The following RALGPS2 variants were observed in gnomAD, a reference collection of about 807,000 sequenced individuals.
RALGPS2 encodes ras-specific guanine nucleotide-releasing factor RalGPS2.
In RALGPS2, 43 loss-of-function variants were observed where a neutral mutation model predicts 86.8. The ratio of observed to expected loss-of-function variants is 0.50; its 90% CI spans 0.39 to 0.64. The LOEUF (loss-of-function observed/expected upper bound fraction) is 0.64. RALGPS2 is among the 30% of genes least tolerant of loss of function. The probability of loss-of-function intolerance (pLI) is 0.00; values close to 1 mark genes in which losing one functional copy is unlikely to be tolerated. For synonymous variants in RALGPS2, 243 were observed against 231.3 expected (o/e 1.05, Z -0.46); for missense variants, 536 against 694.6 (o/e 0.77, Z 2.57).
chr1:178,899,603 A>C, intron 17 of RALGPS2, among the ~76,000 whole-genome samples: 1 of 150,716 alleles, frequency 6.6e-6, no homozygotes, highest in African/African-American at 2.4e-5. Flanking sequence ...ACATAGCACC[A>C]CCTGTATTGT....
rs561229055 is a variant in RALGPS2 at position 178,789,501 on chromosome 1, T to C, written c.213+3894T>C. Among the ~76,000 whole-genome samples, 16 of 152,344 alleles carry C rather than the reference T, an allele frequency of 1.1e-4. No homozygotes were observed. The South Asian group carries it at 3.3e-3, about 32-fold the overall frequency. On this transcript the variant is annotated intron_variant, in intron 4 of 19. Coordinates refer to ENST00000367635, the MANE Select transcript of RALGPS2 (RefSeq NM_152663.5). ...CTGGGGCTGCTATTCATATAAAATA[T>C]AATGCACAATGCACCCTTGTGGAGA...
At chr1:178,808,155 T>C (rs1203512544) in intron 5 of RALGPS2, 27 bp downstream of exon 5, 2 of 1,444,824 alleles carry the variant, frequency 1.4e-6, no homozygotes, top group African/African-American at 1.4e-5. Flanking sequence ...TGATACTGTG[T>C]CTGAAATTCA....
At position 178,860,989 on chromosome 1, in the gene RALGPS2, GTAATT is replaced by G. The variant is rs568494682; in HGVS notation, c.608-16501_608-16497del. ...GCCAGCCTATTTGTTGTTGCTTGTA[GTAATT>G]TAATTTAGTAAGCATCACAGAATAT... On this transcript the variant is annotated intron_variant, in intron 8 of 19. Transcript: ENST00000367635. 5.4e-3 allele frequency among the ~76,000 whole-genome samples: 824 copies of G among 152,230 alleles called. 10 individuals are homozygous for G. The highest frequency in any genetic ancestry group is 0.019 in the African/African-American group (788 of 41,514).
At position 178,897,666 on chromosome 1, in the gene RALGPS2, A is replaced by G. The variant is rs921290109; in HGVS notation, c.1434A>G (p.Val478=). 6.2e-7 allele frequency: 1 copy of G among 1,609,372 alleles called. No homozygotes were observed. Among genetic ancestry groups the G allele is most frequent in the South Asian group, 1.1e-5 (1 of 90,956 alleles). Residue 478 remains valine, a splice_region_variant and synonymous_variant, in exon 17 of 20, where the codon GTA becomes GTG. Coordinates refer to ENST00000367635, the MANE Select transcript of RALGPS2 (RefSeq NM_152663.5). ...ATTCCTGTGTTTGTCCTATCCAGGT[A>G]GCATCTTGGACAAAATATTGGGCAG... ...TLLKEGKKPT[V]ASWTKYWAAL... is the part of the protein sequence containing the mutation.
intron 1 of RALGPS2, among the ~76,000 whole-genome samples, chr1:178,776,369 C>A (rs1311600985): frequency 6.6e-6 from 1 of 152,154 alleles, no homozygotes; most frequent in Non-Finnish European, 1.5e-5. Context: ...TGTTTTTACA[C>A]ATTTTATTTA....
intron 1 of RALGPS2, among the ~76,000 whole-genome samples, chr1:178,771,843 TA>T (rs1284226096): frequency 6.6e-6 from 1 of 152,248 alleles, no homozygotes; most frequent in Admixed American, 6.5e-5. Flanking sequence ...ATATTATAAA[TA>T]TTTTTTTCAT....
In RALGPS2 at chr1:178,815,933, G is replaced by A. The variant is rs532783453; in HGVS notation, c.387+4529G>A. ...GCATGTTATTGATAATTCTTTTATTGCTAAGTAGATTTCCAGTGTATGGAT... is the reference window on the plus strand; with the variant it reads ...GCATGTTATTGATAATTCTTTTATTACTAAGTAGATTTCCAGTGTATGGAT... On this transcript the variant is annotated intron_variant, in intron 6 of 19. Transcript: ENST00000367635. 4.6e-5 allele frequency among the ~76,000 whole-genome samples: 7 copies of A among 152,266 alleles called. No individual in the cohort carries two copies. In the East Asian group the frequency reaches 1.4e-3, roughly 29 times the overall value.
intron 2 of RALGPS2, among the ~76,000 whole-genome samples, chr1:178,781,390 T>C (rs1454953687): frequency 6.6e-6 from 1 of 152,192 alleles, no homozygotes. Flanking sequence ...ATTTAACTCG[T>C]GTTTGAAGTT....
intron 1 of RALGPS2, among the ~76,000 whole-genome samples, chr1:178,770,171 C>T (rs1652722684): frequency 6.6e-6 from 1 of 151,968 alleles, no homozygotes; most frequent in Non-Finnish European, 1.5e-5. Flanking sequence ...TGCACACCAC[C>T]ATGCCTGGCT....
At chr1:178,858,454 G>C (rs1453007498) in intron 8 of RALGPS2, among the ~76,000 whole-genome samples, 1 of 152,048 alleles carries the variant, frequency 6.6e-6, no homozygotes, top group Non-Finnish European at 1.5e-5. Context: ...GAAATAAATT[G>C]ATTGATCTGT....
At chr1:178,865,669 G>A in intron 8 of RALGPS2, 1 of 1,613,944 alleles carries the variant, frequency 6.2e-7, no homozygotes, top group Non-Finnish European at 8.5e-7. Flanking sequence ...TGGCACGAGG[G>A]TATCTTCTCT....
At chr1:178,742,149 A>AG (rs1349927840) in intron 1 of RALGPS2, among the ~76,000 whole-genome samples, 1,607 of 148,784 alleles carry the variant, frequency 0.011, 38 homozygotes, top group African/African-American at 0.038. Flanking sequence ...AAAAAAAAAA[A>AG]AAGAAGAAGA....
chr1:178,777,206 A>G (rs1653141031), intron 2 of RALGPS2, among the ~76,000 whole-genome samples: 2 of 151,132 alleles, frequency 1.3e-5, no homozygotes, highest in South Asian at 4.2e-4. Context: ...TCAGGATACA[A>G]AATCAATGTA....
In RALGPS2 at chr1:178,917,286, C is replaced by T. The variant is rs1388044748; in HGVS notation, c.*927C>T. 3.3e-5 allele frequency: 5 copies of T among 152,142 alleles called. No homozygotes were observed. The highest frequency in any genetic ancestry group is 7.4e-5 in the Non-Finnish European group (5 of 68,012). The allele number at this position is 152,142 out of a possible 1,614,324, so 9.4% of individuals were successfully genotyped here. On this transcript the variant is annotated 3_prime_UTR_variant, in exon 20 of 20. Transcript: ENST00000367635. ...TTCCAAGTTAATTGGGTTTTCCCTT[C>T]TCCCAGTCATAGGTGGTTTTTATCA...
At chr1:178,864,291 TAATG>T (rs1572423101) in intron 8 of RALGPS2, among the ~76,000 whole-genome samples, 1 of 152,162 alleles carries the variant, frequency 6.6e-6, no homozygotes, top group East Asian at 1.9e-4. Context: ...TTTTTTATAA[TAATG>T]AACATTTATA....
At chr1:178,905,063 G>T (rs376355770) in intron 18 of RALGPS2, among the ~76,000 whole-genome samples, 2 of 151,700 alleles carry the variant, frequency 1.3e-5, no homozygotes, top group African/African-American at 4.8e-5. Context: ...GAGCTCTTTC[G>T]ACTCCTTTGT....
intron 7 of RALGPS2, among the ~76,000 whole-genome samples, chr1:178,827,418 G>A (rs1318018450): frequency 2.2e-5 from 3 of 135,982 alleles, no homozygotes; most frequent in African/African-American, 3.0e-5. Flanking sequence ...TTTTTGAGAC[G>A]GAGTCTCGCT....
chr1:178,761,518 G>C (rs1211429371), intron 1 of RALGPS2, among the ~76,000 whole-genome samples: 1 of 151,854 alleles, frequency 6.6e-6, no homozygotes, highest in South Asian at 2.1e-4. Flanking sequence ...TCTTTCTTCT[G>C]TTTGGTTCAG....
At chr1:178,865,125 C>T (rs149644362) in intron 8 of RALGPS2, 1 of 1,587,558 alleles carries the variant, frequency 6.3e-7, no homozygotes, top group South Asian at 1.2e-5. Flanking sequence ...TGTGGCACCA[C>T]CTGGACAAGT....
Sources: allele counts gnomAD v4.1 joint callset (sites outside exome capture counted in the v4.1 genomes callset), GRCh38; gene constraint gnomAD v4.1.1; transcripts MANE v1.5; gene names NCBI Gene and HGNC (gene_info 2026-07-23, HGNC 2026-07-21).